The following METAP1D variants were observed in gnomAD, a reference collection of about 807,000 sequenced individuals.
METAP1D encodes methionine aminopeptidase 1D, mitochondrial.
Under a neutral mutation model 40.5 loss-of-function variants are expected in METAP1D, and 31 were observed. The observed-to-expected ratio is 0.77, with a 90% confidence interval of 0.58 to 1.03. The LOEUF (loss-of-function observed/expected upper bound fraction) is 1.03, where lower values mean the gene tolerates loss of function less well. Among genes scored for constraint, METAP1D ranks in the 50% least tolerant of loss-of-function variants. METAP1D has a pLI of 0.00. For missense variants in METAP1D, 411 were observed against 420.7 expected (o/e 0.98, Z 0.20); for synonymous variants, 151 against 146.4 (o/e 1.03, Z -0.22).
intron 8 of METAP1D, among the ~76,000 whole-genome samples, chr2:172,079,587 G>A (rs1690650369): frequency 6.6e-6 from 1 of 152,174 alleles, no homozygotes; most frequent in Admixed American, 6.5e-5. Flanking sequence ...CTGTCAGCAA[G>A]TGGCATGTGC....
chr2:172,025,765 GAC>G (rs1171104037), intron 1 of METAP1D, among the ~76,000 whole-genome samples: 1 of 152,104 alleles, frequency 6.6e-6, no homozygotes, highest in Non-Finnish European at 1.5e-5. Context: ...GGAGTGCAGT[GAC>G]ACAGTCAGCT....
chr2:172,001,415 GT>G (rs1167738643), intron 1 of METAP1D, among the ~76,000 whole-genome samples: 2 of 152,106 alleles, frequency 1.3e-5, no homozygotes, highest in Non-Finnish European at 2.9e-5. Context: ...GCGCATGCCT[GT>G]AATCCCAGCT....
chr2:172,074,921 CAT>C (rs2105498151), intron 6 of METAP1D, among the ~76,000 whole-genome samples: 1 of 152,204 alleles, frequency 6.6e-6, no homozygotes, highest in South Asian at 2.1e-4. Context: ...TGTACGTAAA[CAT>C]AGTACTCCTC....
intron 1 of METAP1D, among the ~76,000 whole-genome samples, chr2:172,035,126 C>A (rs543198055): frequency 6.0e-5 from 9 of 150,768 alleles, no homozygotes; most frequent in Non-Finnish European, 1.3e-4. Flanking sequence ...GAAGCAAATA[C>A]CTATGTAACT....
intron 6 of METAP1D, among the ~76,000 whole-genome samples, chr2:172,074,689 T>C (rs1690503306): frequency 6.6e-6 from 1 of 152,194 alleles, no homozygotes; most frequent in Non-Finnish European, 1.5e-5. Context: ...TCCTTTTCAT[T>C]AGAAGGAATC....
At chr2:172,014,571 AAGTTG>A (rs1688808851) in intron 1 of METAP1D, among the ~76,000 whole-genome samples, 1 of 152,194 alleles carries the variant, frequency 6.6e-6, no homozygotes. Context: ...TCTGACCAAG[AAGTTG>A]GACAGTATTG....
At chr2:172,045,741 GTGTATATA>G (rs1302565476) in intron 1 of METAP1D, among the ~76,000 whole-genome samples, 1 of 70,584 alleles carries the variant, frequency 1.4e-5, no homozygotes, top group Non-Finnish European at 2.7e-5. Flanking sequence ...GTATATATAT[GTGTATATA>G]TGTATATATG....
Position 172,080,225 on chromosome 2 carries a change from GTTGCTTT to G in METAP1D, c.929+21_929+27del. On this transcript the variant is annotated intron_variant, in intron 9 of 9. Transcript: ENST00000315796. Reference sequence around the variant, plus strand: ...ATCAAAGGTGTTTGCTTTCTGCTCTGTTGCTTTTAAATTGTATGGGAAAGGAAGATTG... The same window carrying G: ...ATCAAAGGTGTTTGCTTTCTGCTCTGTAAATTGTATGGGAAAGGAAGATTG... 6.2e-7 allele frequency: 1 copy of G among 1,614,152 alleles called. No individual in the cohort carries two copies. The highest frequency in any genetic ancestry group is 8.5e-7 in the Non-Finnish European group (1 of 1,179,970).
At chr2:172,044,783 G>A (rs1398379217) in intron 1 of METAP1D, among the ~76,000 whole-genome samples, 1 of 133,870 alleles carries the variant, frequency 7.5e-6, no homozygotes, top group African/African-American at 2.5e-5. Context: ...GCACATGCCT[G>A]TAATCCCAGT....
rs760268850 is a variant in METAP1D, at chr2:172,079,252, A to G, written c.840A>G (p.Ala280=). 1 of 1,613,952 alleles carries G rather than the reference A, an allele frequency of 6.2e-7. No homozygotes were observed. The highest frequency in any genetic ancestry group is 8.5e-7 in the Non-Finnish European group (1 of 1,180,002). The change falls in exon 8 of 10, where the codon GCA becomes GCG. Residue 280 remains alanine (A), a synonymous_variant. Transcript: ENST00000315796. ...ATCTACCCATGGAGGAGGGCATGGC[A>G]TTCACTATAGGTAAATTGAGCTCCT... ...DSDLPMEEGM[A]FTIEPIITEG...
In METAP1D at chr2:172,068,168, G is replaced by A. The variant is rs571445365; in HGVS notation, c.540+1862G>A. Among the ~76,000 whole-genome samples the A allele has an allele frequency of 1.5e-4, 23 of 152,314 alleles. 1 individual carries two copies. The South Asian group carries it at 4.8e-3, about 32-fold the overall frequency. On this transcript the variant is annotated intron_variant, in intron 5 of 9. Transcript: ENST00000315796. ...GGAGGCCAAGGCAGGCGGATCACCT[G>A]AGGTCAGGAGTTCAAGACCAGCCTG... is the stretch of plus-strand genomic sequence containing the variant.
intron 5 of METAP1D, among the ~76,000 whole-genome samples, chr2:172,067,977 C>T (rs1049928087): frequency 3.3e-5 from 5 of 152,180 alleles, no homozygotes; most frequent in African/African-American, 4.8e-5. Flanking sequence ...GAATTATTGA[C>T]GTCTAGTATA....
At chr2:172,050,298 T>C (rs183049051) in intron 1 of METAP1D, among the ~76,000 whole-genome samples, 7 of 152,340 alleles carry the variant, frequency 4.6e-5, no homozygotes, top group Admixed American at 3.9e-4. Flanking sequence ...GATCATAGAT[T>C]ATAAGCCCTC....
chr2:172,079,816 G>C (rs780631658), intron 8 of METAP1D, among the ~76,000 whole-genome samples: 1 of 152,182 alleles, frequency 6.6e-6, no homozygotes, highest in Non-Finnish European at 1.5e-5. Flanking sequence ...AGAGGGACTG[G>C]TGTTTGGGTG....
chr2:172,031,113 A>G (rs1309233864), intron 1 of METAP1D, among the ~76,000 whole-genome samples: 1 of 152,222 alleles, frequency 6.6e-6, no homozygotes, highest in African/African-American at 2.4e-5. Flanking sequence ...ATAATTTGAA[A>G]TAATTGGAAA....
intron 1 of METAP1D, among the ~76,000 whole-genome samples, chr2:172,009,161 C>T (rs1384298468): frequency 6.6e-6 from 1 of 152,116 alleles, no homozygotes; most frequent in Non-Finnish European, 1.5e-5. Flanking sequence ...CTGCCTCAGC[C>T]TCCCGAGTAG....
At chr2:172,017,987 T>G (rs1688916709) in intron 1 of METAP1D, among the ~76,000 whole-genome samples, 1 of 150,930 alleles carries the variant, frequency 6.6e-6, no homozygotes, top group African/African-American at 2.4e-5. Context: ...ATTAGCCGAG[T>G]GTGGTGGCAG....
At chr2:172,007,497 T>C (rs914248981) in intron 1 of METAP1D, among the ~76,000 whole-genome samples, 3 of 152,138 alleles carry the variant, frequency 2.0e-5, no homozygotes, top group Non-Finnish European at 2.9e-5. Flanking sequence ...ATGGATCTAT[T>C]TGTGTTTTGC....
At chr2:172,076,560 T>G (rs1457109302) in intron 6 of METAP1D, among the ~76,000 whole-genome samples, 1 of 152,278 alleles carries the variant, frequency 6.6e-6, no homozygotes, top group Non-Finnish European at 1.5e-5. Context: ...CTTACCTATT[T>G]CTGCACTAAC....
Sources: allele counts gnomAD v4.1 joint callset (sites outside exome capture counted in the v4.1 genomes callset), GRCh38; gene constraint gnomAD v4.1.1; transcripts MANE v1.5; gene names NCBI Gene and HGNC (gene_info 2026-07-23, HGNC 2026-07-21).